LPIN1: variants seen among roughly 807,000 people sequenced by gnomAD.
LPIN1 encodes the protein lipin 1.
A neutral mutation model predicts 107.5 loss-of-function variants in LPIN1; 71 were observed. The ratio of observed to expected loss-of-function variants is 0.66; its 90% confidence interval spans 0.55 to 0.80. The LOEUF is 0.80. Ranked by LOEUF, LPIN1 falls within the 30% of genes least tolerant of loss-of-function variation. The pLI, the probability that LPIN1 is intolerant of heterozygous loss-of-function variation, is 0.00. For synonymous variants in LPIN1, 445 were observed against 452.6 expected (o/e 0.98, Z 0.21); for missense variants, 1,043 against 1,160.6 (o/e 0.90, Z 1.47).
chr2:11,760,842 G>C (rs1669708604), intron 1 of LPIN1, among the ~76,000 whole-genome samples: 1 of 152,198 alleles, frequency 6.6e-6, no homozygotes, highest in African/African-American at 2.4e-5. Context: ...TGCTGGGGAG[G>C]TGGTCTCATC....
chr2:11,760,278 G>A lies in LPIN1; in HGVS notation c.-9-5255G>A, dbSNP rs536638849. On this transcript the variant is annotated intron_variant, in intron 1 of 20. Transcript: ENST00000674199. Reference sequence around the variant, plus strand: ...AGATGCTCCTCACTTCCCAGATGGGGTGGCAGCCGGGCAGAGGCTGCAATC... The same window carrying A: ...AGATGCTCCTCACTTCCCAGATGGGATGGCAGCCGGGCAGAGGCTGCAATC... Among the ~76,000 whole-genome samples the A allele has an allele frequency of 6.3e-3, 954 of 152,324 alleles. 17 individuals are homozygous for A. Among genetic ancestry groups the A allele is most frequent in the African/African-American group, 0.022 (918 of 41,566 alleles).
intron 1 of LPIN1, among the ~76,000 whole-genome samples, chr2:11,679,714 C>A (rs1412997282): frequency 6.6e-6 from 1 of 152,246 alleles, no homozygotes; most frequent in East Asian, 1.9e-4. Flanking sequence ...CTAGATTCCC[C>A]CAACCCCTGC....
chr2:11,759,851 G>A (rs1288913898), intron 1 of LPIN1, among the ~76,000 whole-genome samples: 3 of 122,666 alleles, frequency 2.4e-5, no homozygotes, highest in African/African-American at 6.3e-5. Flanking sequence ...GCGGCTGGCC[G>A]GGCGGGGGCT....
chr2:11,825,004 T>TG lies in LPIN1; in HGVS notation c.*216dup. On this transcript the variant is annotated 3_prime_UTR_variant, in exon 21 of 21. Coordinates refer to ENST00000674199, the MANE Select transcript of LPIN1 (RefSeq NM_001349206.2). This position sits in a 1 kb window ranked among gnomAD's most constrained non-coding sequence, Gnocchi z 4.1. ...AGGGAGCACTTTCTAGGCTAGGAGT[T>TG]GGGTGCATTTGTACCGTGAAAAGCA... is the stretch of plus-strand genomic sequence containing the variant. 1.7e-6 allele frequency: 1 copy of TG among 600,470 alleles called. No individual in the cohort carries two copies. Among genetic ancestry groups the TG allele is most frequent in the Middle Eastern group, 4.5e-4 (1 of 2,224 alleles). The allele number at this position is 600,470 out of a possible 1,614,324, so 37.2% of individuals were successfully genotyped here.
In LPIN1 at chr2:11,786,840, T is replaced by C. The variant is rs1399725676; in HGVS notation, c.1550-234T>C. Among the ~76,000 whole-genome samples, 1 of 152,218 alleles carries C rather than the reference T, an allele frequency of 6.6e-6. No individual in the cohort carries two copies. The highest frequency in any genetic ancestry group is 1.5e-5 in the Non-Finnish European group (1 of 68,030). ...GTGAACGTATGTGCCTCAACTAAGG[T>C]ACACGTCCCCCAACATCCTCAGCCT... On this transcript the variant is annotated intron_variant, in intron 10 of 20. Transcript: ENST00000674199. This position sits in a 1 kb window ranked among gnomAD's most constrained non-coding sequence, Gnocchi z 4.1.
rs749321124 is a variant in LPIN1 at position 11,802,925 on chromosome 2, C to T, written c.1905C>T (p.Ser635=). The part of the protein sequence containing the change: ...SLATRVKHES[S]SSDEERAAAK... Reference sequence around the variant, plus strand: ...GTTCCAGGGTAAAGCATGAATCATCCTCCAGTGATGAGGAGCGCGCAGCTG... The same window carrying T: ...GTTCCAGGGTAAAGCATGAATCATCTTCCAGTGATGAGGAGCGCGCAGCTG... Residue 635 remains serine, a synonymous_variant, in exon 15 of 21, where the codon TCC becomes TCT. Transcript: ENST00000674199. The T allele has an allele frequency of 5.6e-6, 9 of 1,613,458 alleles. No individual in the cohort carries two copies. The highest frequency in any genetic ancestry group is 1.3e-5 in the African/African-American group (1 of 75,060).
chr2:11,775,947 GTATAT>G (rs1558877135), intron 5 of LPIN1, 134 bp from the exon 6 acceptor site: 2 of 212,828 alleles, frequency 9.4e-6, no homozygotes, highest in Non-Finnish European at 1.8e-5. Context: ...AGTCTTTAAA[GTATAT>G]TATATATACT....
intron 1 of LPIN1, among the ~76,000 whole-genome samples, chr2:11,694,373 C>G (rs1290716313): frequency 6.6e-6 from 1 of 152,188 alleles, no homozygotes; most frequent in African/African-American, 2.4e-5. Flanking sequence ...CTTCTAGTCT[C>G]CATGATGTCC....
At chr2:11,755,705 C>T (rs1319574355) in intron 1 of LPIN1, among the ~76,000 whole-genome samples, 1 of 151,594 alleles carries the variant, frequency 6.6e-6, no homozygotes, top group Admixed American at 6.6e-5. Flanking sequence ...TTGTTCAACT[C>T]CTGCAAGACA....
intron 3 of LPIN1, among the ~76,000 whole-genome samples, chr2:11,769,477 G>A (rs148169096): frequency 1.3e-4 from 20 of 152,132 alleles, no homozygotes; most frequent in South Asian, 4.1e-4. Context: ...CTAGATACAA[G>A]TCCCTTATCG....
chr2:11,779,500 G>T lies in LPIN1; in HGVS notation c.831-19G>T, dbSNP rs760958441. The stretch of plus-strand genomic sequence containing the variant: ...AGTTTCTTTTCCCACCTTAATTTTC[G>T]CTTTGTGTTTTCCTTAAGTCCTTCC... On this transcript the variant is annotated intron_variant, in intron 6 of 20. Coordinates refer to ENST00000674199, the MANE Select transcript of LPIN1 (RefSeq NM_001349206.2). 167 of 1,612,168 alleles carry T rather than the reference G, an allele frequency of 1.0e-4. 1 individual carries two copies. Among genetic ancestry groups the T allele is most frequent in the Admixed American group, 1.8e-4 (11 of 59,984 alleles).
intron 4 of LPIN1, among the ~76,000 whole-genome samples, chr2:11,772,349 T>A (rs1239462917): frequency 6.6e-6 from 1 of 152,202 alleles, no homozygotes; most frequent in East Asian, 1.9e-4. Context: ...GGTATAAAGA[T>A]TTGCTGTGCT....
intron 14 of LPIN1, among the ~76,000 whole-genome samples, chr2:11,798,533 G>A (rs1300054920): frequency 2.0e-5 from 3 of 152,130 alleles, no homozygotes; most frequent in Admixed American, 6.5e-5. Flanking sequence ...CTCACTGTCC[G>A]ATACAATCAT....
intron 2 of LPIN1, among the ~76,000 whole-genome samples, chr2:11,714,771 GGC>G (rs1663622043): frequency 6.6e-6 from 1 of 152,174 alleles, no homozygotes; most frequent in African/African-American, 2.4e-5. Context: ...CAAGCCTTGT[GGC>G]TACGGAACAA....
intron 17 of LPIN1, among the ~76,000 whole-genome samples, chr2:11,807,667 C>T (rs891172363): frequency 3.3e-5 from 5 of 152,084 alleles, no homozygotes; most frequent in Non-Finnish European, 5.9e-5. Flanking sequence ...TGTCTGGACC[C>T]GCAGATACTG....
At chr2:11,821,756 A>G (rs561494792) in intron 20 of LPIN1, among the ~76,000 whole-genome samples, 27 of 152,290 alleles carry the variant, frequency 1.8e-4, no homozygotes, top group Admixed American at 1.7e-3. Flanking sequence ...GTTCTAGGCT[A>G]ACAGGAGTCC....
chr2:11,753,593 A>T (rs897960840), intron 1 of LPIN1, among the ~76,000 whole-genome samples: 1 of 152,238 alleles, frequency 6.6e-6, no homozygotes, highest in East Asian at 1.9e-4. Context: ...GCTGCTGCCC[A>T]GGTGGCCTGA....
rs992401949 is a variant in LPIN1, at chr2:11,713,623, A to G, written c.82-133A>G. The G allele has an allele frequency of 5.1e-5, 30 of 588,974 alleles. No individual in the cohort carries two copies. In the East Asian group the frequency reaches 7.0e-4, roughly 14 times the overall value. The allele number at this position is 588,974 out of a possible 1,614,324, so 36.5% of individuals were successfully genotyped here. On this transcript the variant is annotated intron_variant, in intron 1 of 21. Coordinates refer to the LPIN1 transcript ENST00000449576. ...TTTTTAATTGGCATATAGCCTACAT[A>G]CCACCGAATTCACCATGTTCAAAAT...
rs1011016850 is a variant in LPIN1 at position 11,716,184 on chromosome 2, C to A, written c.138+2372C>A. ...CAGGTGTGCAAGGTGGACAGACTCACGCTGGAGGGCGCATGGCATGGGGAG... is the reference window on the plus strand; with the variant it reads ...CAGGTGTGCAAGGTGGACAGACTCAAGCTGGAGGGCGCATGGCATGGGGAG... On this transcript the variant is annotated intron_variant, in intron 2 of 21. Coordinates refer to the LPIN1 transcript ENST00000449576. Among the ~76,000 whole-genome samples the A allele has an allele frequency of 3.3e-5, 5 of 152,114 alleles. No individual in the cohort carries two copies. In the East Asian group the frequency reaches 9.6e-4, roughly 29 times the overall value.
Sources: allele counts gnomAD v4.1 joint callset (sites outside exome capture counted in the v4.1 genomes callset), GRCh38; gene constraint gnomAD v4.1.1; non-coding constraint Gnocchi (gnomAD v3.1); transcripts MANE v1.5; gene names NCBI Gene and HGNC (gene_info 2026-07-23, HGNC 2026-07-21).